The following TDRD9 variants were observed in gnomAD, a reference collection of about 807,000 sequenced individuals.
TDRD9 encodes the protein tudor domain containing 9.
Under a neutral mutation model 172.6 loss-of-function variants are expected in TDRD9, and 124 were observed. The ratio of observed to expected loss-of-function variants is 0.72; its 90% CI spans 0.62 to 0.83. The LOEUF (loss-of-function observed/expected upper bound fraction) is 0.83. Ranked by LOEUF, TDRD9 falls within the 40% of genes least tolerant of loss-of-function variation. The probability of loss-of-function intolerance (pLI) is 0.00; values close to 1 mark genes in which losing one functional copy is unlikely to be tolerated. For synonymous variants in TDRD9, 619 were observed against 617.1 expected (o/e 1.00, Z -0.05); for missense variants, 1,479 against 1,714.1 (o/e 0.86, Z 2.42).
chr14:103,938,430 A>ATTTTTTTTTT (rs1566723244), intron 1 of TDRD9, among the ~76,000 whole-genome samples: 1 of 39,930 alleles, frequency 2.5e-5, no homozygotes, highest in African/African-American at 1.1e-4. Context: ...ATATATATAT[A>ATTTTTTTTTT]TATATATATA....
At chr14:103,958,094 T>A (rs1197826909) in intron 2 of TDRD9, among the ~76,000 whole-genome samples, 4 of 152,170 alleles carry the variant, frequency 2.6e-5, no homozygotes, top group Non-Finnish European at 5.9e-5. Flanking sequence ...AAAAAAGACT[T>A]TAACTCTGAT....
intron 1 of TDRD9, among the ~76,000 whole-genome samples, chr14:103,949,330 G>T (rs948134697): frequency 2.0e-5 from 3 of 152,200 alleles, no homozygotes; most frequent in African/African-American, 7.2e-5. Flanking sequence ...AATCCATGAA[G>T]CAGGGGTCTA....
rs55844445 is a variant in TDRD9 at position 104,045,390 on chromosome 14, C to CTTT, written c.3974+3217_3974+3219dup. Among the ~76,000 whole-genome samples the CTTT allele has an allele frequency of 1.2e-3, 155 of 133,870 alleles. 1 individual carries two copies. The highest frequency in any genetic ancestry group is 2.5e-3 in the Admixed American group (34 of 13,426). The allele number at this position is 133,870 out of a possible 152,430, so 87.8% of individuals were successfully genotyped here. ...TATTCCTCTTAGCCAGTCATTTATCCTTTTTTTTTTTTTTTTGGTGAAATG... is the reference window on the plus strand; with the variant it reads ...TATTCCTCTTAGCCAGTCATTTATCCTTTTTTTTTTTTTTTTTTTGGTGAAATG... On this transcript the variant is annotated intron_variant, in intron 34 of 35. Coordinates refer to ENST00000409874, the MANE Select transcript of TDRD9 (RefSeq NM_153046.3).
chr14:103,964,146 G>A (rs1168160216), intron 3 of TDRD9, among the ~76,000 whole-genome samples: 1 of 152,128 alleles, frequency 6.6e-6, no homozygotes, highest in African/African-American at 2.4e-5. Flanking sequence ...GGGATGCTGA[G>A]GTGGCAGGAT....
chr14:103,951,937 T>G (rs1453677451), intron 1 of TDRD9, among the ~76,000 whole-genome samples: 3 of 151,028 alleles, frequency 2.0e-5, no homozygotes, highest in Non-Finnish European at 4.4e-5. Context: ...AGGCTAATTT[T>G]TTTTGTATTT....
At chr14:103,977,572 C>T (rs1379322012) in intron 7 of TDRD9, among the ~76,000 whole-genome samples, 1 of 147,444 alleles carries the variant, frequency 6.8e-6, no homozygotes, top group Non-Finnish European at 1.5e-5. Flanking sequence ...GGGTATTAAT[C>T]CCTTGTCAGA....
In TDRD9 at chr14:104,034,901, AACGCTGCCCTG is replaced by A; in HGVS notation, c.3620-57_3620-47del. 8.9e-6 allele frequency: 12 copies of A among 1,346,298 alleles called. No individual in the cohort carries two copies. The South Asian group carries it at 1.5e-4, about 17-fold the overall frequency. 83.4% of individuals were successfully genotyped at this position (1,346,298 alleles called of 1,614,324 possible). On this transcript the variant is annotated intron_variant, in intron 31 of 35. Transcript: ENST00000409874. ...GATGAGTAGGAGCGGGCCGGGAGGG[AACGCTGCCCTG>A]AGCAGCGTGAGTTAATGCCCGATGT...
chr14:103,991,815 T>C (rs1228934597), intron 9 of TDRD9, among the ~76,000 whole-genome samples: 4 of 151,428 alleles, frequency 2.6e-5, no homozygotes, highest in African/African-American at 9.7e-5. Context: ...AGGGGTACAG[T>C]GGCAAAATCT....
At position 103,980,792 on chromosome 14, in the gene TDRD9, AG is replaced by A. The variant is rs2033442820; in HGVS notation, c.1011+5240del. 6.6e-6 allele frequency among the ~76,000 whole-genome samples: 1 copy of A among 152,134 alleles called. No individual in the cohort carries two copies. The highest frequency in any genetic ancestry group is 2.4e-5 in the African/African-American group (1 of 41,432). ...TCCGCTTGGCAACGGGCGTCTTCCC[AG>A]ATGCTGGCATTACTGCTAGACCAAG... On this transcript the variant is annotated intron_variant, in intron 7 of 35. Coordinates refer to ENST00000409874, the MANE Select transcript of TDRD9 (RefSeq NM_153046.3). The surrounding 1 kb of genome is among the most constrained non-coding windows in gnomAD (Gnocchi z 4.5).
At chr14:104,031,017 A>G in intron 28 of TDRD9, 91 bp from the exon 29 acceptor site, 3 of 1,159,854 alleles carry the variant, frequency 2.6e-6, no homozygotes, top group Non-Finnish European at 3.7e-6. Flanking sequence ...AAATCAGAGT[A>G]ACACTGTGCC....
Position 104,022,297 on chromosome 14 carries a change from A to G in TDRD9, c.2573A>G (p.Gln858Arg), listed in dbSNP as rs2034979520. Residue 858 changes from glutamine (Q) to arginine (R), a missense_variant, in exon 24 of 36, where the codon CAA (glutamine) becomes CGA (arginine). Gln to Arg is a conservative substitution (Grantham distance 43). This residue lies in a region of TDRD9 where 1,413 missense variants were observed against 1,649.1 expected (regional missense o/e 0.86). Transcript: ENST00000409874. The part of the protein sequence containing the change: ...HSAEEIEGKV[Q>R]GMNVSKLRNT... ...GCAGAGGAAATTGAAGGGAAGGTGC[A>G]AGGCATGAACGTCTCAAAGCTCAGG... 6.2e-7 allele frequency: 1 copy of G among 1,613,724 alleles called. No individual in the cohort carries two copies. Among genetic ancestry groups the G allele is most frequent in the Admixed American group, 1.7e-5 (1 of 59,976 alleles).
At chr14:104,004,621 G>A (rs1002407937) in intron 14 of TDRD9, among the ~76,000 whole-genome samples, 5 of 152,064 alleles carry the variant, frequency 3.3e-5, no homozygotes, top group South Asian at 2.1e-4. Context: ...CTCGTGATCC[G>A]CCCGCCTTGG....
At position 104,018,717 on chromosome 14, in the gene TDRD9, A is replaced by G. The variant is rs181507454; in HGVS notation, c.2432+525A>G. On this transcript the variant is annotated intron_variant, in intron 23 of 35. Transcript: ENST00000409874. ...GCATCACTGAGTTTTTATTTCTAAC[A>G]GGAAATGTTTATGTACCAAAAAGCC... is the stretch of plus-strand genomic sequence containing the variant. 3.8e-3 allele frequency among the ~76,000 whole-genome samples: 586 copies of G among 152,348 alleles called. 3 individuals carry two copies. Among genetic ancestry groups the G allele is most frequent in the Middle Eastern group, 0.034 (10 of 294 alleles).
intron 7 of TDRD9, among the ~76,000 whole-genome samples, chr14:103,982,829 C>T (rs374971142): frequency 3.9e-5 from 6 of 152,110 alleles, no homozygotes; most frequent in South Asian, 4.1e-4. Flanking sequence ...TGAATCCAGG[C>T]GGTAGAGGTT....
At chr14:104,031,008 A>G in intron 28 of TDRD9, 100 bp from the exon 29 acceptor site, 1 of 1,070,790 alleles carries the variant, frequency 9.3e-7, no homozygotes, top group Non-Finnish European at 1.3e-6. Flanking sequence ...ATGACATAGA[A>G]ATCAGAGTAA....
In TDRD9 at chr14:103,965,616, T is replaced by C. The variant is rs73352478; in HGVS notation, c.642+62T>C. 7.1e-4 allele frequency: 1,020 copies of C among 1,432,176 alleles called. 8 individuals are homozygous for C. In the African/African-American group the frequency reaches 0.012, roughly 18 times the overall value. 88.7% of individuals were successfully genotyped at this position (1,432,176 alleles called of 1,614,324 possible). A position where few individuals can be genotyped will look rare whatever the true frequency, so the allele number is the denominator to read the frequency against. ...GCTGTCTCTCTATTCCTTAATTTTATTAAGTTTTTTTCTGTGTAAGTTGAT... is the reference window on the plus strand; with the variant it reads ...GCTGTCTCTCTATTCCTTAATTTTACTAAGTTTTTTTCTGTGTAAGTTGAT... On this transcript the variant is annotated intron_variant, in intron 4 of 35. Transcript: ENST00000409874.
chr14:104,045,473 A>G (rs937303822), intron 34 of TDRD9, among the ~76,000 whole-genome samples: 1 of 151,010 alleles, frequency 6.6e-6, no homozygotes, highest in Non-Finnish European at 1.5e-5. Context: ...AGTTGTAGAA[A>G]TTGTTTTTAA....
In TDRD9 at chr14:103,966,696, T is replaced by C. The variant is rs1033235888; in HGVS notation, c.643-13T>C. 3 of 1,514,048 alleles carry C rather than the reference T, an allele frequency of 2.0e-6. No homozygotes were observed. Among genetic ancestry groups the C allele is most frequent in the Admixed American group, 4.4e-5 (2 of 45,112 alleles). The allele number at this position is 1,514,048 out of a possible 1,614,324, so 93.8% of individuals were successfully genotyped here. A position where few individuals can be genotyped will look rare whatever the true frequency, so the allele number is the denominator to read the frequency against. ...TCTCTTTTTTCCTTTCCTTTTTCCT[T>C]CTCCAATTTTAGGTAGGGCTAGAGA... On this transcript the variant is annotated splice_polypyrimidine_tract_variant and intron_variant, in intron 4 of 35. Coordinates refer to ENST00000409874, the MANE Select transcript of TDRD9 (RefSeq NM_153046.3).
intron 1 of TDRD9, among the ~76,000 whole-genome samples, chr14:103,929,919 A>G (rs1402003798): frequency 6.6e-6 from 1 of 152,228 alleles, no homozygotes; most frequent in Non-Finnish European, 1.5e-5. Flanking sequence ...TAAGTTTCAC[A>G]GACTCCCTCC....
Sources: gnomAD v4.1 joint callset for allele counts (sites outside exome capture counted in the v4.1 genomes callset) on GRCh38, gnomAD v4.1.1 for gene constraint, gnomAD v4.1.1 regional missense constraint, Gnocchi (gnomAD v3.1) non-coding constraint, MANE v1.5 for transcripts, NCBI Gene and HGNC (gene_info 2026-07-23, HGNC 2026-07-21) for gene names.